The following CSNK1G1 variants were observed in gnomAD, a reference collection of about 807,000 sequenced individuals.
CSNK1G1 encodes casein kinase I isoform gamma-1.
Under a neutral mutation model 59.6 loss-of-function variants are expected in CSNK1G1, and 22 were observed. That is an observed-to-expected ratio of 0.37 (90% CI 0.26 to 0.53). The LOEUF is 0.53. Among genes scored for constraint, CSNK1G1 ranks in the 20% least tolerant of loss-of-function variants. CSNK1G1 has a pLI of 0.89. For synonymous variants in CSNK1G1, 179 were observed against 177.1 expected, an observed-to-expected ratio of 1.01 and a Z score of -0.08; for missense variants, 384 against 519.5, an observed-to-expected ratio of 0.74 and a Z score of 2.54.
chr15:64,294,754 T>C (rs2140392041), intron 2 of CSNK1G1, among the ~76,000 whole-genome samples: 1 of 145,176 alleles, frequency 6.9e-6, no homozygotes, highest in East Asian at 2.1e-4. Context: ...CTACAAAAAA[T>C]ACAAAAAATT....
In CSNK1G1 at chr15:64,167,752, C is replaced by T. The variant is rs1281071748; in HGVS notation, c.*4179G>A. The T allele has an allele frequency of 6.6e-6, 1 of 152,664 alleles. No homozygotes were observed. The highest frequency in any genetic ancestry group is 1.5e-5 in the Non-Finnish European group (1 of 68,048). The allele number at this position is 152,664 out of a possible 1,614,324, so 9.5% of individuals were successfully genotyped here. On this transcript the variant is annotated 3_prime_UTR_variant, in exon 12 of 12. Transcript: ENST00000303052. ...TGAAATGGAAGAGGTGGCTGGAACA[C>T]AGGAGGCATGTGGGCTTGGGAGATG...
At chr15:64,298,801 C>T (rs903904422) in intron 2 of CSNK1G1, among the ~76,000 whole-genome samples, 7 of 150,516 alleles carry the variant, frequency 4.7e-5, no homozygotes, top group Non-Finnish European at 7.4e-5. Flanking sequence ...GAGGCCGAGG[C>T]GGGTGGATCA....
rs1193397722 is a variant in CSNK1G1 at position 64,347,511 on chromosome 15, G to A, written c.-225+8477C>T. 6.7e-5 allele frequency among the ~76,000 whole-genome samples: 10 copies of A among 150,326 alleles called. No homozygotes were observed. The Admixed American group carries it at 6.7e-4, about 10-fold the overall frequency. Reference sequence around the variant, plus strand: ...TGCACCTGTAGTCCAAGCTACTCGGGAGGCTGAAGCAGGAGGATCGCTTGA... The same window carrying A: ...TGCACCTGTAGTCCAAGCTACTCGGAAGGCTGAAGCAGGAGGATCGCTTGA... On this transcript the variant is annotated intron_variant, in intron 1 of 11. Coordinates refer to ENST00000303052, the MANE Select transcript of CSNK1G1 (RefSeq NM_022048.5).
At chr15:64,326,789 G>C (rs571070151) in intron 1 of CSNK1G1, among the ~76,000 whole-genome samples, 1 of 151,588 alleles carries the variant, frequency 6.6e-6, no homozygotes, top group South Asian at 2.1e-4. Flanking sequence ...GGGAGTGCCA[G>C]ACAGTGGGCG....
At chr15:64,277,615 G>A (rs547612179) in intron 2 of CSNK1G1, among the ~76,000 whole-genome samples, 1,708 of 121,966 alleles carry the variant, frequency 0.014, 15 homozygotes, top group South Asian at 0.019. Flanking sequence ...TATTAATATT[G>A]GTATATTTAA....
intron 1 of CSNK1G1, among the ~76,000 whole-genome samples, chr15:64,325,264 T>C (rs923982566): frequency 3.3e-5 from 5 of 152,208 alleles, no homozygotes; most frequent in Non-Finnish European, 7.3e-5. Context: ...ACAGTTACAT[T>C]ATCTCACTCA....
chr15:64,352,600 C>T (rs1898375054), intron 1 of CSNK1G1, among the ~76,000 whole-genome samples: 1 of 150,532 alleles, frequency 6.6e-6, no homozygotes, highest in Non-Finnish European at 1.5e-5. Context: ...CATGCTCCAT[C>T]ATGCCTGACT....
intron 1 of CSNK1G1, among the ~76,000 whole-genome samples, chr15:64,317,464 T>C (rs1896333199): frequency 1.3e-5 from 2 of 152,178 alleles, no homozygotes; most frequent in African/African-American, 4.8e-5. Context: ...AAGGTTTTCC[T>C]ATTATGAACT....
chr15:64,201,271 C>CAAAAAAAAAAAAA (rs545719275), intron 10 of CSNK1G1, among the ~76,000 whole-genome samples: 1 of 65,028 alleles, frequency 1.5e-5, no homozygotes, highest in African/African-American at 4.9e-5. Flanking sequence ...GACACTGTCT[C>CAAAAAAAAAAAAA]AAAAAAAAAA....
chr15:64,314,366 AATTTAT>A (rs924163747), intron 1 of CSNK1G1, among the ~76,000 whole-genome samples: 24 of 152,108 alleles, frequency 1.6e-4, no homozygotes, highest in African/African-American at 5.6e-4. Flanking sequence ...GTATGTTGAC[AATTTAT>A]AATTATATAA....
chr15:64,286,870 A>G (rs1894451452), intron 2 of CSNK1G1, among the ~76,000 whole-genome samples: 1 of 152,172 alleles, frequency 6.6e-6, no homozygotes, highest in Admixed American at 6.5e-5. Context: ...CCCCTGGAAA[A>G]TCTCTGACGA....
At chr15:64,278,432 AT>A (rs774402095) in intron 2 of CSNK1G1, among the ~76,000 whole-genome samples, 157 of 127,944 alleles carry the variant, frequency 1.2e-3, no homozygotes, top group Non-Finnish European at 1.9e-3. Context: ...ATATATATAT[AT>A]TTTTTTTTTT....
chr15:64,189,712 TA>T (rs2081944282), intron 10 of CSNK1G1, among the ~76,000 whole-genome samples: 2 of 152,186 alleles, frequency 1.3e-5, no homozygotes, highest in South Asian at 4.1e-4. Flanking sequence ...TCACTCCCCA[TA>T]TTTCAGTATC....
intron 10 of CSNK1G1, among the ~76,000 whole-genome samples, chr15:64,191,496 AAC>A (rs1051006289): frequency 6.6e-6 from 1 of 152,182 alleles, no homozygotes; most frequent in African/African-American, 2.4e-5. Flanking sequence ...TACACATAAG[AAC>A]TCTGGTTTTA....
intron 1 of CSNK1G1, among the ~76,000 whole-genome samples, chr15:64,302,748 A>G (rs1895431118): frequency 6.6e-6 from 1 of 152,224 alleles, no homozygotes; most frequent in Non-Finnish European, 1.5e-5. Flanking sequence ...TAATATGAGG[A>G]CAGAGGCAGA....
At chr15:64,336,445 T>G (rs540607769) in intron 1 of CSNK1G1, among the ~76,000 whole-genome samples, 1 of 152,198 alleles carries the variant, frequency 6.6e-6, no homozygotes, top group African/African-American at 2.4e-5. Flanking sequence ...TCACTGAACA[T>G]GCTTAATTGA....
rs547339653 is a variant in CSNK1G1 at position 64,208,346 on chromosome 15, C to T, written c.680-752G>A. On this transcript the variant is annotated intron_variant, in intron 6 of 11. Coordinates refer to ENST00000303052, the MANE Select transcript of CSNK1G1 (RefSeq NM_022048.5). ...GACCTCATCCCAAAACAAAATAAAA[C>T]AAAAAATCAAAGTCCCTGCATTCTG... Among the ~76,000 whole-genome samples, 3 of 152,046 alleles carry T rather than the reference C, an allele frequency of 2.0e-5. No homozygotes were observed. The South Asian group carries it at 6.2e-4, about 31-fold the overall frequency.
intron 1 of CSNK1G1, among the ~76,000 whole-genome samples, chr15:64,326,905 G>A (rs568915806): frequency 1.6e-4 from 24 of 150,960 alleles, no homozygotes; most frequent in Non-Finnish European, 2.5e-4. Context: ...GTCAAAGAAA[G>A]GGGTGACGGA....
intron 10 of CSNK1G1, among the ~76,000 whole-genome samples, chr15:64,187,203 T>G (rs28735188): frequency 0.24 from 36,021 of 151,366 alleles, 5,825 homozygotes; most frequent in East Asian, 0.81. Flanking sequence ...TGGTTTTTTT[T>G]GGGGGGGATG....
Sources: allele counts gnomAD v4.1 joint callset (sites outside exome capture counted in the v4.1 genomes callset), GRCh38; gene constraint gnomAD v4.1.1; transcripts MANE v1.5; gene names NCBI Gene and HGNC (gene_info 2026-07-23, HGNC 2026-07-21).